The following GPR153 variants were observed in gnomAD, a reference collection of about 807,000 sequenced individuals.
GPR153 encodes G protein-coupled receptor 153.
In GPR153, 27 loss-of-function variants were observed where a neutral mutation model predicts 34.1. The ratio of observed to expected loss-of-function variants is 0.79; its 90% confidence interval spans 0.58 to 1.09. GPR153 has a LOEUF of 1.09. GPR153 is among the 50% of genes least tolerant of loss of function. The pLI is 0.00. For missense variants in GPR153, 848 were observed against 860.2 expected, an observed-to-expected ratio of 0.99 and a Z score of 0.18; for synonymous variants, 408 against 405.4, an observed-to-expected ratio of 1.01 and a Z score of -0.08.
chr1:6,249,940 C>T lies in GPR153; in HGVS notation c.1228G>A (p.Ala410Thr), dbSNP rs1638403518. The change falls in exon 6 of 6, where the codon GCC (alanine) becomes ACC (threonine). Residue 410 changes from alanine to threonine, a missense_variant. Coordinates refer to ENST00000377893, the MANE Select transcript of GPR153 (RefSeq NM_207370.4). The surrounding 1 kb of genome is among the most constrained non-coding windows in gnomAD (Gnocchi z 4.3). ...ADVWAAVPLPAFLPRWGSGED... is the reference protein window; with the variant it reads ...ADVWAAVPLPTFLPRWGSGED... ...CCGGAGCCCCAGCGCGGCAGGAAGG[C>T]GGGCAGCGGGACGGCGGCCCACACG... 3.9e-6 allele frequency: 5 copies of T among 1,282,898 alleles called. 1 individual carries two copies. Among genetic ancestry groups the T allele is most frequent in the South Asian group, 5.9e-5 (2 of 34,072 alleles). 79.5% of individuals were successfully genotyped at this position (1,282,898 alleles called of 1,614,324 possible).
intron 1 of GPR153, among the ~76,000 whole-genome samples, chr1:6,258,984 G>A (rs910070249): frequency 2.0e-5 from 3 of 152,254 alleles, no homozygotes; most frequent in Non-Finnish European, 2.9e-5. Context: ...CTGAAGGCAG[G>A]GTGCAGTGGC....
Position 6,255,642 on chromosome 1 carries a change from G to GTTTTTTTTTTT in GPR153, c.-109-639_-109-629dup, listed in dbSNP as rs59403526. ...GGCCTGCACCACTATGCCTGGCTAC[G>GTTTTTTTTTTT]TTTTTTTTTTTTTTTTTTTTTTTTT... On this transcript the variant is annotated intron_variant, in intron 1 of 5. Transcript: ENST00000377893. 8.2e-4 allele frequency among the ~76,000 whole-genome samples: 32 copies of GTTTTTTTTTTT among 38,850 alleles called. 7 individuals are homozygous for GTTTTTTTTTTT. Among genetic ancestry groups the GTTTTTTTTTTT allele is most frequent in the African/African-American group, 3.1e-3 (32 of 10,414 alleles). The allele number at this position is 38,850 out of a possible 152,430, so 25.5% of individuals were successfully genotyped here. A position where few individuals can be genotyped will look rare whatever the true frequency, so the allele number is the denominator to read the frequency against.
intron 5 of GPR153, 30 bp downstream of exon 5, chr1:6,250,410 G>C: frequency 6.5e-7 from 1 of 1,541,712 alleles, no homozygotes; most frequent in Non-Finnish European, 8.8e-7. Context: ...TCACCCGCAG[G>C]TGCGGCCTCT....
intron 3 of GPR153, among the ~76,000 whole-genome samples, chr1:6,252,279 G>A (rs1304952224): frequency 6.6e-6 from 1 of 152,160 alleles, no homozygotes; most frequent in Admixed American, 6.5e-5. Flanking sequence ...CTAAGAACAG[G>A]CCATGCTCTA....
At position 6,252,282 on chromosome 1, in the gene GPR153, A is replaced by G. The variant is rs1399682250; in HGVS notation, c.787-752T>C. Among the ~76,000 whole-genome samples, 8 of 152,184 alleles carry G rather than the reference A, an allele frequency of 5.3e-5. No individual in the cohort carries two copies. In the East Asian group the frequency reaches 1.3e-3, roughly 26 times the overall value. On this transcript the variant is annotated intron_variant, in intron 3 of 5. Transcript: ENST00000377893. ...CTGGAAAATGGGCTAAGAACAGGCC[A>G]TGCTCTAGAGGGTGAAGACTCCGGA...
intron 5 of GPR153, 133 bp from the exon 6 acceptor site, chr1:6,250,136 T>C (rs1638408963): frequency 7.5e-7 from 1 of 1,327,598 alleles, no homozygotes; most frequent in South Asian, 2.5e-5. Flanking sequence ...GGCTGGGAGC[T>C]GTGAGGTTTG....
At chr1:6,250,717 C>T (rs551782332) in intron 4 of GPR153, 93 bp from the exon 5 acceptor site, 7 of 686,590 alleles carry the variant, frequency 1.0e-5, no homozygotes, top group African/African-American at 9.0e-5. Context: ...CCCCTGAGAT[C>T]CCCCAACAGA....
intron 2 of GPR153, 123 bp from the exon 3 acceptor site, chr1:6,254,270 A>C: frequency 1.1e-6 from 1 of 907,058 alleles, no homozygotes. Flanking sequence ...TATCATAGTC[A>C]TGGCACAGCC....
In GPR153 at chr1:6,251,753, TC is replaced by T. The variant is rs2100986763; in HGVS notation, c.787-224del. ...AGCACTGGGTGGCCTTGCTCTGTCT[TC>T]CTCCTGGCTGCCCATGGAGAGAAGT... is the stretch of plus-strand genomic sequence containing the variant. On this transcript the variant is annotated intron_variant, in intron 3 of 5. Transcript: ENST00000377893. The surrounding 1 kb of genome is among the most constrained non-coding windows in gnomAD (Gnocchi z 4.9). Among the ~76,000 whole-genome samples the T allele has an allele frequency of 6.6e-6, 1 of 152,228 alleles. No homozygotes were observed. The highest frequency in any genetic ancestry group is 1.5e-5 in the Non-Finnish European group (1 of 68,002).
chr1:6,254,244 C>T lies in GPR153; in HGVS notation c.357-97G>A, dbSNP rs142413626. 457 of 1,115,716 alleles carry T rather than the reference C, an allele frequency of 4.1e-4. 3 individuals are homozygous for T. The East Asian group carries it at 0.011, about 26-fold the overall frequency. The allele number at this position is 1,115,716 out of a possible 1,614,324, so 69.1% of individuals were successfully genotyped here. A position where few individuals can be genotyped will look rare whatever the true frequency, so the allele number is the denominator to read the frequency against. On this transcript the variant is annotated intron_variant, in intron 2 of 5. Coordinates refer to ENST00000377893, the MANE Select transcript of GPR153 (RefSeq NM_207370.4). ...GTAGGGGATCCGCACCACCCAGGCACCCCACACCCCCAGTATATCATAGTC... is the reference window on the plus strand; with the variant it reads ...GTAGGGGATCCGCACCACCCAGGCATCCCACACCCCCAGTATATCATAGTC...
At chr1:6,250,879 G>A (rs1638433378) in intron 4 of GPR153, among the ~76,000 whole-genome samples, 2 of 152,200 alleles carry the variant, frequency 1.3e-5, no homozygotes, top group Non-Finnish European at 2.9e-5. Context: ...TGGGACCAGA[G>A]GTGACCTCGG....
At chr1:6,255,480 C>T (rs550853596) in intron 1 of GPR153, among the ~76,000 whole-genome samples, 59 of 148,368 alleles carry the variant, frequency 4.0e-4, no homozygotes, top group African/African-American at 1.4e-3. Flanking sequence ...TACAAGATAA[C>T]ACTATTTTTT....
At position 6,249,671 on chromosome 1, in the gene GPR153, C is replaced by G; in HGVS notation, c.1497G>C (p.Leu499=). The G allele has an allele frequency of 9.3e-7, 1 of 1,069,858 alleles. No individual in the cohort carries two copies. The highest frequency in any genetic ancestry group is 1.1e-6 in the Non-Finnish European group (1 of 886,244). The allele number at this position is 1,069,858 out of a possible 1,614,324, so 66.3% of individuals were successfully genotyped here. Reference sequence around the variant, plus strand: ...AGGCGGTCAGGGCGAAGGCGTCGGGCAGCAGCGAGGCCGAGGCGGAGCGGG... The same window carrying G: ...AGGCGGTCAGGGCGAAGGCGTCGGGGAGCAGCGAGGCCGAGGCGGAGCGGG... ...PGPRSASASL[L]PDAFALTAFE... Residue 499 remains leucine, a synonymous_variant, in exon 6 of 6, where the codon CTG becomes CTC. Coordinates refer to ENST00000377893, the MANE Select transcript of GPR153 (RefSeq NM_207370.4). The surrounding 1 kb of genome is among the most constrained non-coding windows in gnomAD (Gnocchi z 4.3).
rs1419159070 is a variant in GPR153, at chr1:6,251,072, G to C, written c.979+266C>G. On this transcript the variant is annotated intron_variant, in intron 4 of 5. Transcript: ENST00000377893. This position sits in a 1 kb window ranked among gnomAD's most constrained non-coding sequence, Gnocchi z 4.9. ...GCCCAGGAGCTCCGCTGGAGCACTT[G>C]CAGACATGTCTACCCTGCTCTCTGT... 1.3e-5 allele frequency among the ~76,000 whole-genome samples: 2 copies of C among 152,136 alleles called. No individual in the cohort carries two copies. Among genetic ancestry groups the C allele is most frequent in the African/African-American group, 2.4e-5 (1 of 41,426 alleles).
rs1166990774 is a variant in GPR153, at chr1:6,251,392, C to A, written c.925G>T (p.Ala309Ser). The A allele has an allele frequency of 2.5e-6, 4 of 1,613,546 alleles. No individual in the cohort carries two copies. In the South Asian group the frequency reaches 4.4e-5, roughly 18 times the overall value. ...AGGGCCATGCACTTCTCCCGGACAGCTTTGAGGTCAGCCCGGTAGCGGTCG... is the reference window on the plus strand; with the variant it reads ...AGGGCCATGCACTTCTCCCGGACAGATTTGAGGTCAGCCCGGTAGCGGTCG... ...ACDRYRADLK[A>S]VREKCMALMA... is the part of the protein sequence containing the mutation. Residue 309 changes from alanine to serine, a missense_variant, in exon 4 of 6, where the codon GCT (alanine) becomes TCT (serine). Ala to Ser is a moderately conservative substitution (Grantham distance 99). Coordinates refer to ENST00000377893, the MANE Select transcript of GPR153 (RefSeq NM_207370.4). The surrounding 1 kb of genome is among the most constrained non-coding windows in gnomAD (Gnocchi z 4.9).
Position 6,248,863 on chromosome 1 carries a change from T to TCC in GPR153, c.*473_*474dup, listed in dbSNP as rs369336095. 0.015 allele frequency: 2,132 copies of TCC among 143,162 alleles called. 30 individuals are homozygous for TCC. Among genetic ancestry groups the TCC allele is most frequent in the African/African-American group, 0.047 (1,810 of 38,438 alleles). The allele number at this position is 143,162 out of a possible 1,614,324, so 8.9% of individuals were successfully genotyped here. A position where few individuals can be genotyped will look rare whatever the true frequency, so the allele number is the denominator to read the frequency against. On this transcript the variant is annotated 3_prime_UTR_variant, in exon 6 of 6. Coordinates refer to ENST00000377893, the MANE Select transcript of GPR153 (RefSeq NM_207370.4). ...CTGTGCTTAGAGACCCTCTGTACCC[T>TCC]CCCCCCCCCCGAAGGGTGTGGCGGT...
Position 6,249,851 on chromosome 1 carries a change from G to A in GPR153, c.1317C>T (p.Ser439=), listed in dbSNP as rs1195340988. The A allele has an allele frequency of 2.6e-5, 33 of 1,263,258 alleles. No homozygotes were observed. The highest frequency in any genetic ancestry group is 3.1e-5 in the Non-Finnish European group (31 of 1,002,366). The allele number at this position is 1,263,258 out of a possible 1,614,324, so 78.3% of individuals were successfully genotyped here. Residue 439 remains serine, a synonymous_variant, in exon 6 of 6, where the codon AGC becomes AGT. Coordinates refer to ENST00000377893, the MANE Select transcript of GPR153 (RefSeq NM_207370.4). The surrounding 1 kb of genome is among the most constrained non-coding windows in gnomAD (Gnocchi z 4.3). The stretch of plus-strand genomic sequence containing the variant: ...GTGCGTCCTCCGCGAAGGCCAGGAG[G>A]CTGGCGCGGCGCCGCTCGGGCCCGG... ...LPAGPERRRA[S]LLAFAEDAPP...
intron 1 of GPR153, among the ~76,000 whole-genome samples, chr1:6,260,226 C>G (rs548831949): frequency 1.3e-5 from 2 of 152,048 alleles, no homozygotes; most frequent in African/African-American, 2.4e-5. Flanking sequence ...TCCGCCCCCA[C>G]GCCGGTCTCC....
intron 1 of GPR153, among the ~76,000 whole-genome samples, chr1:6,259,006 A>G (rs1008519487): frequency 3.9e-5 from 6 of 152,224 alleles, no homozygotes; most frequent in African/African-American, 1.4e-4. Context: ...CATGCCTGTA[A>G]TCCTAGCACT....
Sources: gnomAD v4.1 joint callset for allele counts (sites outside exome capture counted in the v4.1 genomes callset) on GRCh38, gnomAD v4.1.1 for gene constraint, Gnocchi (gnomAD v3.1) non-coding constraint, MANE v1.5 for transcripts, NCBI Gene and HGNC (gene_info 2026-07-23, HGNC 2026-07-21) for gene names.